GOLGA4: variants seen among roughly 807,000 people sequenced by gnomAD.
The protein encoded by GOLGA4 is golgin A4.
In GOLGA4, 169 loss-of-function variants were observed where a neutral mutation model predicts 265.9. The ratio of observed to expected loss-of-function variants is 0.64; its 90% CI spans 0.56 to 0.72. The LOEUF (loss-of-function observed/expected upper bound fraction) is 0.72. GOLGA4 is among the 30% of genes least tolerant of loss of function. The pLI is 0.00. For synonymous variants in GOLGA4, 923 were observed against 855.8 expected, an observed-to-expected ratio of 1.08 and a Z score of -1.37; for missense variants, 2,482 against 2,483.4, an observed-to-expected ratio of 1.00 and a Z score of 0.01.
chr3:37,342,952 T>C (rs975245901), intron 20 of GOLGA4, among the ~76,000 whole-genome samples: 5 of 152,216 alleles, frequency 3.3e-5, no homozygotes, highest in African/African-American at 9.6e-5. Context: ...CAGGCTGAAG[T>C]GCAGTGGCAT....
intron 22 of GOLGA4, 22 bp downstream of exon 22, chr3:37,355,209 T>G: frequency 1.3e-5 from 16 of 1,230,878 alleles, no homozygotes; most frequent in Non-Finnish European, 1.8e-5. Context: ...AAGTGGGCTC[T>G]AGATAGAAGA....
rs937914860 is a variant in GOLGA4 at position 37,323,713 on chromosome 3, T to C, written c.1827T>C (p.Val609=). 6.2e-7 allele frequency: 1 copy of C among 1,613,748 alleles called. No individual in the cohort carries two copies. Among genetic ancestry groups the C allele is most frequent in the Middle Eastern group, 1.7e-4 (1 of 6,056 alleles). Residue 609 remains valine, a synonymous_variant, in exon 14 of 24, where the codon GTT becomes GTC. Coordinates refer to ENST00000361924, the MANE Select transcript of GOLGA4 (RefSeq NM_002078.5). The part of the protein sequence containing the change: ...NKHNKEITVM[V]EKHKTELESL... ...ACAATAAGGAGATTACAGTCATGGTTGAAAAACACAAGACAGAATTGGAAA... is the reference window on the plus strand; with the variant it reads ...ACAATAAGGAGATTACAGTCATGGTCGAAAAACACAAGACAGAATTGGAAA...
chr3:37,296,353 C>G, intron 7 of GOLGA4, 134 bp downstream of exon 7: 1 of 772,348 alleles, frequency 1.3e-6, no homozygotes, highest in Non-Finnish European at 2.1e-6. Flanking sequence ...TGAGACCAGC[C>G]TGGGCAACAT....
At position 37,332,494 on chromosome 3, in the gene GOLGA4, G is replaced by C. The variant is rs1164818315; in HGVS notation, c.6193-2559G>C. Among the ~76,000 whole-genome samples, 3 of 152,060 alleles carry C rather than the reference G, an allele frequency of 2.0e-5. No homozygotes were observed. The East Asian group carries it at 5.8e-4, about 29-fold the overall frequency. ...TGCATTCCAGCCTGGGTGGCAGAGTGAGGCCCTGTCTCAAAAGAAAAACAA... is the reference window on the plus strand; with the variant it reads ...TGCATTCCAGCCTGGGTGGCAGAGTCAGGCCCTGTCTCAAAAGAAAAACAA... On this transcript the variant is annotated intron_variant, in intron 16 of 23. Transcript: ENST00000361924.
intron 2 of GOLGA4, 40 bp from the exon 3 acceptor site, chr3:37,281,918 T>C (rs1345512088): frequency 3.6e-6 from 5 of 1,406,176 alleles, no homozygotes; most frequent in Non-Finnish European, 4.9e-6. Context: ...TCTAAATGTA[T>C]GTATTTTAAT....
chr3:37,342,449 C>G (rs1001351309), intron 20 of GOLGA4, among the ~76,000 whole-genome samples: 8 of 152,042 alleles, frequency 5.3e-5, no homozygotes, highest in African/African-American at 1.9e-4. Flanking sequence ...ATCTTTATCC[C>G]TCTCATCATT....
At chr3:37,291,699 A>T (rs779576660) in intron 5 of GOLGA4, among the ~76,000 whole-genome samples, 37 of 152,106 alleles carry the variant, frequency 2.4e-4, no homozygotes, top group Non-Finnish European at 4.7e-4. Flanking sequence ...TAGATTTGCA[A>T]CTCTACCTAA....
chr3:37,285,996 T>A lies in GOLGA4; in HGVS notation c.478-18T>A. On this transcript the variant is annotated intron_variant, in intron 3 of 23. Transcript: ENST00000361924. ...ATTTATTTAGGAATGACTAATGTTG[T>A]TGATGACTATATTTTAGCTTGTTAC... 6.8e-7 allele frequency: 1 copy of A among 1,463,266 alleles called. No individual in the cohort carries two copies. The highest frequency in any genetic ancestry group is 9.5e-7 in the Non-Finnish European group (1 of 1,057,838). 90.6% of individuals were successfully genotyped at this position (1,463,266 alleles called of 1,614,324 possible).
At chr3:37,332,700 C>A (rs2096994866) in intron 16 of GOLGA4, among the ~76,000 whole-genome samples, 1 of 152,052 alleles carries the variant, frequency 6.6e-6, no homozygotes. Context: ...TCTTCTCCCT[C>A]CACCGGCAAC....
chr3:37,354,717 G>T (rs913039748), intron 21 of GOLGA4, among the ~76,000 whole-genome samples: 1 of 151,886 alleles, frequency 6.6e-6, no homozygotes, highest in Non-Finnish European at 1.5e-5. Context: ...CTGAACATGG[G>T]GGGTATTTAA....
In GOLGA4 at chr3:37,326,740, AGAG is replaced by A; in HGVS notation, c.4861_4863del (p.Glu1621del). The stretch of plus-strand genomic sequence containing the variant: ...ATGTGAATTTAAGTGTGAAAAGCAA[AGAG>A]GAGGAGTTAAAGGCATTGGAAGATA... On this transcript the variant is annotated inframe_deletion, in exon 14 of 24. Coordinates refer to ENST00000361924, the MANE Select transcript of GOLGA4 (RefSeq NM_002078.5). The A allele has an allele frequency of 6.2e-7, 1 of 1,613,754 alleles. No homozygotes were observed. Among genetic ancestry groups the A allele is most frequent in the South Asian group, 1.1e-5 (1 of 91,050 alleles).
chr3:37,269,450 A>G (rs2096792312), intron 2 of GOLGA4, among the ~76,000 whole-genome samples: 1 of 152,330 alleles, frequency 6.6e-6, no homozygotes, highest in East Asian at 1.9e-4. Context: ...AAAAAAAGAG[A>G]AGAAAATGTA....
intron 3 of GOLGA4, among the ~76,000 whole-genome samples, chr3:37,285,795 A>T (rs1203132708): frequency 6.6e-6 from 1 of 152,250 alleles, no homozygotes; most frequent in Non-Finnish European, 1.5e-5. Context: ...TATCTCTAAG[A>T]TGAAGTCATA....
chr3:37,326,557 T>G lies in GOLGA4; in HGVS notation c.4671T>G (p.Ile1557Met). The G allele has an allele frequency of 6.2e-7, 1 of 1,612,036 alleles. No individual in the cohort carries two copies. The highest frequency in any genetic ancestry group is 8.5e-7 in the Non-Finnish European group (1 of 1,178,632). Residue 1557 changes from isoleucine (I) to methionine (M), a missense_variant, in exon 14 of 24, where the codon ATT becomes ATG. Ile to Met is a conservative substitution (Grantham distance 10). Coordinates refer to ENST00000361924, the MANE Select transcript of GOLGA4 (RefSeq NM_002078.5). ...VLKNYNQQKD[I>M]EHKELVQKLQ... Reference sequence around the variant, plus strand: ...AAAATTACAATCAACAAAAGGATATTGAACACAAAGAATTGGTTCAGAAAC... The same window carrying G: ...AAAATTACAATCAACAAAAGGATATGGAACACAAAGAATTGGTTCAGAAAC...
chr3:37,243,691 C>A, intron 1 of GOLGA4, 69 bp downstream of exon 1: 1 of 1,301,408 alleles, frequency 7.7e-7, no homozygotes, highest in Non-Finnish European at 1.1e-6. Flanking sequence ...ACGAAAGAGG[C>A]GGGGGGAGTG....
chr3:37,275,279 G>A (rs1398866835), intron 2 of GOLGA4, among the ~76,000 whole-genome samples: 3 of 146,920 alleles, frequency 2.0e-5, no homozygotes, highest in Admixed American at 1.4e-4. Flanking sequence ...GTTTAAATGA[G>A]CTTCCCAAAC....
intron 2 of GOLGA4, among the ~76,000 whole-genome samples, chr3:37,275,250 A>T (rs4296549): frequency 0.031 from 4,558 of 149,050 alleles, 98 homozygotes; most frequent in African/African-American, 0.045. Context: ...AAGAAAAAAA[A>T]AACCCCAAAA....
intron 20 of GOLGA4, chr3:37,341,908 A>G (rs1320417049): frequency 6.6e-6 from 1 of 152,208 alleles, no homozygotes; most frequent in East Asian, 1.9e-4. Context: ...ACTTACAAAC[A>G]CGTTTTTGTC....
At chr3:37,294,032 T>C (rs1226585478) in intron 5 of GOLGA4, among the ~76,000 whole-genome samples, 1 of 152,184 alleles carries the variant, frequency 6.6e-6, no homozygotes, top group African/African-American at 2.4e-5. Context: ...ACCACCGTCA[T>C]ATGTGTGGTC....
Sources: allele counts gnomAD v4.1 joint callset (sites outside exome capture counted in the v4.1 genomes callset), GRCh38; gene constraint gnomAD v4.1.1; transcripts MANE v1.5; gene names NCBI Gene and HGNC (gene_info 2026-07-23, HGNC 2026-07-21).